SCAI: variants seen among roughly 807,000 people sequenced by gnomAD.
SCAI encodes protein SCAI.
In SCAI, 24 loss-of-function variants were observed where a neutral mutation model predicts 92.2. The ratio of observed to expected loss-of-function variants is 0.26; its 90% CI spans 0.19 to 0.37. The LOEUF (loss-of-function observed/expected upper bound fraction) is 0.37. Among genes scored for constraint, SCAI ranks in the 10% least tolerant of loss-of-function variants. SCAI has a pLI of 1.00. For missense variants in SCAI, 450 were observed against 736.2 expected, an observed-to-expected ratio of 0.61 and a Z score of 4.50; for synonymous variants, 261 against 258.6, an observed-to-expected ratio of 1.01 and a Z score of -0.09.
chr9:125,047,182 C>G (rs554497812), intron 3 of SCAI, among the ~76,000 whole-genome samples: 2 of 152,024 alleles, frequency 1.3e-5, no homozygotes, highest in Admixed American at 6.6e-5. Flanking sequence ...AAAAAGAAGC[C>G]TTTAGGGAAG....
intron 2 of SCAI, among the ~76,000 whole-genome samples, chr9:125,123,841 C>T (rs529304172): frequency 1.3e-5 from 2 of 152,188 alleles, no homozygotes; most frequent in African/African-American, 4.8e-5. Context: ...TAGGAAACCA[C>T]GTGTGAGCAC....
chr9:125,116,815 A>C (rs1040869103), intron 2 of SCAI, among the ~76,000 whole-genome samples: 2 of 152,106 alleles, frequency 1.3e-5, no homozygotes, highest in African/African-American at 4.8e-5. Context: ...AATCTGTCCT[A>C]ATTATCCCAT....
intron 2 of SCAI, among the ~76,000 whole-genome samples, chr9:125,066,674 C>T (rs1331465559): frequency 2.6e-5 from 4 of 152,024 alleles, no homozygotes; most frequent in Non-Finnish European, 5.9e-5. Context: ...AGGATGGTCT[C>T]GATCTCCTGA....
At chr9:125,138,779 C>T (rs1835601890) in intron 2 of SCAI, among the ~76,000 whole-genome samples, 1 of 152,040 alleles carries the variant, frequency 6.6e-6, no homozygotes, top group Non-Finnish European at 1.5e-5. Context: ...AAACTCCCGA[C>T]CTCAGGTGAT....
At position 124,945,769 on chromosome 9, in the gene SCAI, A is replaced by G. The variant is rs1414276570; in HGVS notation, c.*7038T>C. On this transcript the variant is annotated 3_prime_UTR_variant, in exon 18 of 18. Transcript: ENST00000336505. ...ACATCAATTATTTTTCCTTAAACACAAGGCATGCTTAAGTCTTTTTGTTCA... is the reference window on the plus strand; with the variant it reads ...ACATCAATTATTTTTCCTTAAACACGAGGCATGCTTAAGTCTTTTTGTTCA... 4.6e-5 allele frequency: 7 copies of G among 152,148 alleles called. No individual in the cohort carries two copies. The highest frequency in any genetic ancestry group is 4.6e-4 in the Admixed American group (7 of 15,274). 9.4% of individuals were successfully genotyped at this position (152,148 alleles called of 1,614,324 possible). A position where few individuals can be genotyped will look rare whatever the true frequency, so the allele number is the denominator to read the frequency against.
chr9:125,072,410 T>C (rs1019370258), intron 2 of SCAI, among the ~76,000 whole-genome samples: 1 of 151,800 alleles, frequency 6.6e-6, no homozygotes, highest in African/African-American at 2.4e-5. Flanking sequence ...TATACAAAAA[T>C]AACAATGAAA....
chr9:125,138,989 A>T (rs1030018703), intron 2 of SCAI, among the ~76,000 whole-genome samples: 4 of 152,228 alleles, frequency 2.6e-5, no homozygotes, highest in Admixed American at 1.3e-4. Context: ...TGTACAGGCC[A>T]TGATGGGACC....
intron 14 of SCAI, among the ~76,000 whole-genome samples, chr9:124,983,700 C>T (rs1416918890): frequency 6.6e-6 from 1 of 152,204 alleles, no homozygotes; most frequent in East Asian, 1.9e-4. Flanking sequence ...TTGTGACCCA[C>T]AGTAAACTAA....
At chr9:125,082,342 G>A (rs1834238358) in intron 2 of SCAI, among the ~76,000 whole-genome samples, 1 of 152,234 alleles carries the variant, frequency 6.6e-6, no homozygotes, top group African/African-American at 2.4e-5. Flanking sequence ...GAAGATGTAT[G>A]GAAACGCCTG....
intron 2 of SCAI, among the ~76,000 whole-genome samples, chr9:125,078,131 C>T (rs1834133598): frequency 6.6e-6 from 1 of 151,640 alleles, no homozygotes; most frequent in African/African-American, 2.4e-5. Flanking sequence ...TACATTATTC[C>T]TTTTTGTGAG....
chr9:124,972,779 A>T (rs886947168), intron 15 of SCAI, among the ~76,000 whole-genome samples: 13 of 152,026 alleles, frequency 8.6e-5, no homozygotes, highest in Admixed American at 1.3e-4. Context: ...CCCTCCCCAC[A>T]CCTAGTCCAT....
intron 2 of SCAI, among the ~76,000 whole-genome samples, chr9:125,098,038 CAT>C (rs201392867): frequency 2.7e-5 from 4 of 150,516 alleles, no homozygotes; most frequent in African/African-American, 9.8e-5. Flanking sequence ...TATACACACA[CAT>C]ATATATATGT....
intron 9 of SCAI, 167 bp from the exon 10 acceptor site, chr9:125,003,737 A>G (rs765420057): frequency 2.4e-5 from 14 of 593,270 alleles, no homozygotes; most frequent in Non-Finnish European, 3.9e-5. Context: ...AAAGACTGGA[A>G]GAATTCTACA....
At chr9:125,084,498 A>G (rs1235673039) in intron 2 of SCAI, among the ~76,000 whole-genome samples, 4 of 151,988 alleles carry the variant, frequency 2.6e-5, no homozygotes, top group Non-Finnish European at 5.9e-5. Flanking sequence ...ACTACGTAAA[A>G]GAGGCCAAGC....
At chr9:125,106,061 C>T (rs1377882744) in intron 2 of SCAI, among the ~76,000 whole-genome samples, 1 of 125,878 alleles carries the variant, frequency 7.9e-6, no homozygotes, top group Non-Finnish European at 1.6e-5. Flanking sequence ...CACACCACTG[C>T]ACTCCAACCT....
chr9:124,968,746 C>T (rs1168509302), intron 17 of SCAI: 1 of 1,224,476 alleles, frequency 8.2e-7, no homozygotes, highest in Non-Finnish European at 1.2e-6. Context: ...TGGTTGAGGC[C>T]ATGGAGGTTC....
intron 3 of SCAI, among the ~76,000 whole-genome samples, chr9:125,055,566 C>T (rs182464348): frequency 1.3e-5 from 2 of 152,262 alleles, no homozygotes; most frequent in Admixed American, 1.3e-4. Context: ...CATTTTTAGG[C>T]TCCTCAGACC....
chr9:124,958,733 C>A (rs1334286052), intron 17 of SCAI, among the ~76,000 whole-genome samples: 3 of 151,880 alleles, frequency 2.0e-5, no homozygotes, highest in African/African-American at 7.3e-5. Flanking sequence ...ATAGTGAAAA[C>A]CCCTCTCTAC....
At position 125,026,875 on chromosome 9, in the gene SCAI, G is replaced by A; in HGVS notation, c.449C>T (p.Ala150Val). The A allele has an allele frequency of 6.2e-7, 1 of 1,607,898 alleles. No individual in the cohort carries two copies. Among genetic ancestry groups the A allele is most frequent in the Non-Finnish European group, 8.5e-7 (1 of 1,175,432 alleles). The change falls in exon 6 of 18, where the codon GCT (alanine) becomes GTT (valine). Residue 150 changes from alanine (A) to valine (V), a missense_variant. By Grantham distance (64) the Ala-to-Val change is moderately conservative. Coordinates refer to ENST00000336505, the MANE Select transcript of SCAI (RefSeq NM_001144877.3). ...RTSETSYLNEAFSFYSAIRQR... is the reference protein window; with the variant it reads ...RTSETSYLNEVFSFYSAIRQR... ...TCTGATTGCAGAATAGAAGGAAAAA[G>A]CCTCATTCAGATAGCTGGTTTCCGA...
Sources: gnomAD v4.1 joint callset for allele counts (sites outside exome capture counted in the v4.1 genomes callset) on GRCh38, gnomAD v4.1.1 for gene constraint, MANE v1.5 for transcripts, NCBI Gene and HGNC (gene_info 2026-07-23, HGNC 2026-07-21) for gene names.